The following SCN11A variants were observed in gnomAD, a reference collection of about 807,000 sequenced individuals.
The protein encoded by SCN11A is sodium voltage-gated channel alpha subunit 11, also known as sodium channel protein type 11 subunit alpha.
Under a neutral mutation model 162.2 loss-of-function variants are expected in SCN11A, and 122 were observed. That is an observed-to-expected ratio of 0.75 (90% CI 0.65 to 0.87). SCN11A has a LOEUF of 0.87. Ranked by LOEUF, SCN11A falls within the 40% of genes least tolerant of loss-of-function variation. SCN11A has a pLI of 0.00. For missense variants in SCN11A, 2,015 were observed against 2,181.6 expected (o/e 0.92, Z 1.52); for synonymous variants, 758 against 751.5 (o/e 1.01, Z -0.14).
intron 23 of SCN11A, among the ~76,000 whole-genome samples, chr3:38,875,646 C>T (rs1482754226): frequency 6.6e-6 from 1 of 151,972 alleles, no homozygotes; most frequent in Admixed American, 6.6e-5. Context: ...AGGAATATAC[C>T]TAACCAAGGA....
chr3:38,973,442 A>G (rs2066829734), intron 2 of SCN11A, among the ~76,000 whole-genome samples: 1 of 152,094 alleles, frequency 6.6e-6, no homozygotes, highest in South Asian at 2.1e-4. Flanking sequence ...AATTATATAT[A>G]GCAAAATCAA....
chr3:39,010,372 GTTTTTCT>G (rs1199724925), intron 2 of SCN11A, among the ~76,000 whole-genome samples: 2,057 of 137,454 alleles, frequency 0.015, 21 homozygotes, highest in Non-Finnish European at 0.018. Flanking sequence ...AGAAGTTTTA[GTTTTTCT>G]TTTTTCTTTT....
intron 1 of SCN11A, among the ~76,000 whole-genome samples, chr3:39,034,404 C>T (rs1056475100): frequency 1.3e-5 from 2 of 152,064 alleles, no homozygotes; most frequent in African/African-American, 4.8e-5. Context: ...ATCCAACATC[C>T]CTTCATGATA....
chr3:39,030,555 T>TAGG (rs1181746047), intron 2 of SCN11A, among the ~76,000 whole-genome samples: 1 of 152,190 alleles, frequency 6.6e-6, no homozygotes, highest in Non-Finnish European at 1.5e-5. Flanking sequence ...TAACTGAAGT[T>TAGG]ACGTTTTCTA....
intron 25 of SCN11A, among the ~76,000 whole-genome samples, 180 bp downstream of exon 25, chr3:38,871,265 C>G (rs1294734738): frequency 6.6e-6 from 1 of 151,724 alleles, no homozygotes; most frequent in Non-Finnish European, 1.5e-5. Context: ...GCTCAGCAGT[C>G]AATGAAGTTG....
intron 2 of SCN11A, among the ~76,000 whole-genome samples, chr3:38,991,861 T>C (rs895838497): frequency 6.6e-5 from 10 of 152,288 alleles, no homozygotes; most frequent in African/African-American, 2.4e-4. Flanking sequence ...CAGGCTGGAG[T>C]GCAGTGGTGT....
Position 38,910,047 on chromosome 3 carries a change from G to C in SCN11A, c.1101+19C>G. 3 of 1,610,806 alleles carry C rather than the reference G, an allele frequency of 1.9e-6. No individual in the cohort carries two copies. The highest frequency in any genetic ancestry group is 2.5e-6 in the Non-Finnish European group (3 of 1,178,572). On this transcript the variant is annotated intron_variant, in intron 12 of 29. Transcript: ENST00000302328. ...TGGAGGGAGGGAGAGAGGAAAAAGA[G>C]AGACTATAAATAGATAACCTGTTGA...
At chr3:39,002,472 C>T (rs571117480) in intron 2 of SCN11A, among the ~76,000 whole-genome samples, 80 of 152,320 alleles carry the variant, frequency 5.3e-4, no homozygotes, top group African/African-American at 1.8e-3. Flanking sequence ...CAGGAATTTG[C>T]TGGCTTCTAA....
chr3:38,855,691 A>G (rs2064857085), intron 28 of SCN11A, among the ~76,000 whole-genome samples: 1 of 152,130 alleles, frequency 6.6e-6, no homozygotes, highest in African/African-American at 2.4e-5. Context: ...TGCCTGCAAC[A>G]TCCTGACTAA....
chr3:38,950,057 ACCCCCACCCCCACCC>A lies in SCN11A; in HGVS notation c.267+24_267+38del. On this transcript the variant is annotated intron_variant, in intron 5 of 29. Coordinates refer to ENST00000302328, the MANE Select transcript of SCN11A (RefSeq NM_001349253.2). Reference sequence around the variant, plus strand: ...CCAGTTACAACTGCATGGTTAGAACACCCCCACCCCCACCCCCCCCCCCCGCCCAATGAAGTACCT... The same window carrying A: ...CCAGTTACAACTGCATGGTTAGAACACCCCCCCCCGCCCAATGAAGTACCT... 6 of 102,088 alleles carry A rather than the reference ACCCCCACCCCCACCC, an allele frequency of 5.9e-5. 1 individual carries two copies. The highest frequency in any genetic ancestry group is 6.6e-3 in the Middle Eastern group (2 of 304). 6.3% of individuals were successfully genotyped at this position (102,088 alleles called of 1,614,324 possible).
At chr3:39,022,319 T>C (rs976447954) in intron 2 of SCN11A, among the ~76,000 whole-genome samples, 1 of 152,336 alleles carries the variant, frequency 6.6e-6, no homozygotes, top group Non-Finnish European at 1.5e-5. Flanking sequence ...ATTTGGCCAC[T>C]GTGCTACACA....
In SCN11A at chr3:38,946,891, T is replaced by C; in HGVS notation, c.284A>G (p.Asn95Ser). 6.2e-7 allele frequency: 1 copy of C among 1,610,026 alleles called. No individual in the cohort carries two copies. Among genetic ancestry groups the C allele is most frequent in the Non-Finnish European group, 8.5e-7 (1 of 1,177,838 alleles). The change falls in exon 6 of 30, where the codon AAC becomes AGC. Residue 95 changes from asparagine to serine, a missense_variant. Physicochemically the swap from Asn to Ser is conservative, Grantham distance 46. Transcript: ENST00000302328. ...YRNHKTFMVLNRKRTIYRFSA... is the reference protein window; with the variant it reads ...YRNHKTFMVLSRKRTIYRFSA... ...GAAGCGGTAGATTGTCCTCTTTCTG[T>C]TTAACACCATAAATGTCTGCAAAAC...
Position 38,896,934 on chromosome 3 carries a change from T to A in SCN11A, c.2314A>T (p.Asn772Tyr), listed in dbSNP as rs1265428797. Residue 772 changes from asparagine to tyrosine, a missense_variant, in exon 18 of 30, where the codon AAT becomes TAT. By Grantham distance (143) the Asn-to-Tyr change is moderately radical. Coordinates refer to ENST00000302328, the MANE Select transcript of SCN11A (RefSeq NM_001349253.2). ...FRILCGEWIE[N>Y]MWECMQEANA... The stretch of plus-strand genomic sequence containing the variant: ...GCTTCTTGCATACATTCCCACATAT[T>A]TTCGATCCATTCCCCGCAGAGGATG... 2 of 1,613,860 alleles carry A rather than the reference T, an allele frequency of 1.2e-6. No individual in the cohort carries two copies. Among genetic ancestry groups the A allele is most frequent in the Non-Finnish European group, 1.7e-6 (2 of 1,179,986 alleles).
At chr3:38,878,600 C>G (rs1195490968) in intron 23 of SCN11A, among the ~76,000 whole-genome samples, 1 of 152,106 alleles carries the variant, frequency 6.6e-6, no homozygotes, top group Non-Finnish European at 1.5e-5. Flanking sequence ...ATAGGACTGA[C>G]AAACGTGGAT....
intron 24 of SCN11A, among the ~76,000 whole-genome samples, 193 bp downstream of exon 24, chr3:38,872,000 G>A (rs2065135118): frequency 6.6e-6 from 1 of 152,148 alleles, no homozygotes; most frequent in Non-Finnish European, 1.5e-5. Context: ...CATCTTGGCT[G>A]TCACAGAAGC....
At chr3:38,906,578 A>G (rs994296957) in intron 14 of SCN11A, among the ~76,000 whole-genome samples, 11 of 152,040 alleles carry the variant, frequency 7.2e-5, no homozygotes, top group Admixed American at 6.6e-4. Context: ...GCTAAATTTT[A>G]TCTTCTCCAG....
chr3:38,857,511 A>G (rs760242390), intron 28 of SCN11A, among the ~76,000 whole-genome samples: 3 of 151,956 alleles, frequency 2.0e-5, no homozygotes, highest in Non-Finnish European at 4.4e-5. Flanking sequence ...ATTATGTTAA[A>G]TGGCTAAACC....
chr3:38,936,267 T>G (rs1034164381), intron 7 of SCN11A, among the ~76,000 whole-genome samples: 1 of 152,092 alleles, frequency 6.6e-6, no homozygotes, highest in African/African-American at 2.4e-5. Context: ...AATATCATAT[T>G]GAATGGGCAA....
At chr3:39,013,017 T>C (rs7634288) in intron 2 of SCN11A, among the ~76,000 whole-genome samples, 12,546 of 152,234 alleles carry the variant, frequency 0.082, 733 homozygotes, top group African/African-American at 0.16. Context: ...AAAATGTACC[T>C]CCAGCTAGAG....
Sources: allele counts gnomAD v4.1 joint callset (sites outside exome capture counted in the v4.1 genomes callset), GRCh38; gene constraint gnomAD v4.1.1; transcripts MANE v1.5; gene names NCBI Gene and HGNC (gene_info 2026-07-23, HGNC 2026-07-21).